Variants in CD2AP observed in about 807,000 individuals in gnomAD.
The protein encoded by CD2AP is CD2 associated protein.
CD2AP carries 46 observed loss-of-function variants against 85.1 expected under a neutral mutation model. That is an observed-to-expected ratio of 0.54 (90% confidence interval 0.43 to 0.69). The LOEUF (loss-of-function observed/expected upper bound fraction) is 0.69. Among genes scored for constraint, CD2AP ranks in the 30% least tolerant of loss-of-function variants. The probability of loss-of-function intolerance (pLI) is 0.00; values close to 1 mark genes in which losing one functional copy is unlikely to be tolerated. For synonymous variants in CD2AP, 255 were observed against 252.9 expected, an observed-to-expected ratio of 1.01 and a Z score of -0.08; for missense variants, 769 against 729.5, an observed-to-expected ratio of 1.05 and a Z score of -0.62.
chr6:47,575,549 A>G (rs978549386), intron 6 of CD2AP, among the ~76,000 whole-genome samples: 3 of 152,190 alleles, frequency 2.0e-5, no homozygotes, highest in Admixed American at 6.5e-5. Context: ...GTGCACCACA[A>G]TATGGTGTTT....
intron 2 of CD2AP, among the ~76,000 whole-genome samples, chr6:47,520,219 C>T (rs755909514): frequency 5.9e-5 from 9 of 151,786 alleles, no homozygotes; most frequent in Non-Finnish European, 1.3e-4. Flanking sequence ...TCTGGGGCCT[C>T]GTTATTAAAA....
chr6:47,512,164 A>AT (rs1462955661), intron 2 of CD2AP, among the ~76,000 whole-genome samples: 2 of 151,694 alleles, frequency 1.3e-5, no homozygotes, highest in African/African-American at 4.8e-5. Context: ...TCTGAAAAAA[A>AT]AAATATATAT....
intron 5 of CD2AP, among the ~76,000 whole-genome samples, chr6:47,572,283 G>A (rs985466008): frequency 6.6e-6 from 1 of 152,220 alleles, no homozygotes; most frequent in African/African-American, 2.4e-5. Context: ...CACTGCGATG[G>A]TGTACAAGTG....
At chr6:47,608,345 C>A (rs1201670212) in intron 15 of CD2AP, among the ~76,000 whole-genome samples, 1 of 152,054 alleles carries the variant, frequency 6.6e-6, no homozygotes, top group Non-Finnish European at 1.5e-5. Context: ...TAGTACTTAC[C>A]TAGCTTGGTG....
chr6:47,493,993 A>G (rs1765794744), intron 1 of CD2AP, among the ~76,000 whole-genome samples: 1 of 151,868 alleles, frequency 6.6e-6, no homozygotes, highest in African/African-American at 2.4e-5. Context: ...CACCCTTAGC[A>G]TATTAATCAT....
chr6:47,566,594 A>G (rs1374745541), intron 5 of CD2AP, among the ~76,000 whole-genome samples: 1 of 151,846 alleles, frequency 6.6e-6, no homozygotes, highest in Non-Finnish European at 1.5e-5. Context: ...CTATCGACCC[A>G]TCCTCTCAAT....
At chr6:47,543,540 G>A (rs1413448498) in intron 3 of CD2AP, among the ~76,000 whole-genome samples, 2 of 152,170 alleles carry the variant, frequency 1.3e-5, no homozygotes, top group Non-Finnish European at 2.9e-5. Flanking sequence ...TACTGTCAGG[G>A]TTGGTTTCTG....
intron 2 of CD2AP, among the ~76,000 whole-genome samples, chr6:47,521,751 C>CA (rs1320760326): frequency 6.6e-6 from 1 of 152,152 alleles, no homozygotes; most frequent in Non-Finnish European, 1.5e-5. Flanking sequence ...AGATAACTCT[C>CA]ACGCCTGTAA....
intron 4 of CD2AP, among the ~76,000 whole-genome samples, chr6:47,552,871 C>T (rs1277635141): frequency 6.6e-6 from 1 of 152,138 alleles, no homozygotes; most frequent in Non-Finnish European, 1.5e-5. Flanking sequence ...TTCTAGCACC[C>T]ATTTTTATTT....
chr6:47,567,208 T>C (rs1181386274), intron 5 of CD2AP, among the ~76,000 whole-genome samples: 7 of 152,170 alleles, frequency 4.6e-5, no homozygotes, highest in Admixed American at 3.3e-4. Context: ...GGTATGCTTA[T>C]AGAACTATCT....
intron 11 of CD2AP, among the ~76,000 whole-genome samples, chr6:47,585,081 C>A (rs13193054): frequency 0.27 from 40,661 of 151,200 alleles, 5,653 homozygotes; most frequent in African/African-American, 0.33. Flanking sequence ...ATCATGAGGT[C>A]AGGACATTGA....
intron 1 of CD2AP, among the ~76,000 whole-genome samples, chr6:47,484,128 T>C (rs1181522660): frequency 6.6e-6 from 1 of 152,158 alleles, no homozygotes; most frequent in Non-Finnish European, 1.5e-5. Context: ...TCCTCCCAGC[T>C]TTTGTTTATT....
At chr6:47,507,612 ATTGT>A (rs1476680905) in intron 2 of CD2AP, among the ~76,000 whole-genome samples, 4 of 151,992 alleles carry the variant, frequency 2.6e-5, no homozygotes, top group African/African-American at 4.8e-5. Context: ...CGCCCAGCTA[ATTGT>A]TTGTATTTTC....
At chr6:47,509,581 G>A (rs1395536054) in intron 2 of CD2AP, among the ~76,000 whole-genome samples, 1 of 152,100 alleles carries the variant, frequency 6.6e-6, no homozygotes, top group Non-Finnish European at 1.5e-5. Context: ...GCTATAGTAG[G>A]GAATTGAATA....
chr6:47,598,031 A>G (rs1768996845), intron 12 of CD2AP, among the ~76,000 whole-genome samples: 1 of 150,808 alleles, frequency 6.6e-6, no homozygotes. Context: ...CCTTTTTAAA[A>G]CATCACCAAT....
intron 2 of CD2AP, among the ~76,000 whole-genome samples, chr6:47,530,921 A>G (rs1440356441): frequency 6.6e-6 from 1 of 152,168 alleles, no homozygotes; most frequent in African/African-American, 2.4e-5. Flanking sequence ...TTTACAAGGT[A>G]ATAGCTTTTT....
chr6:47,487,690 AAAACAAACAAACAAAC>A (rs140796042), intron 1 of CD2AP, among the ~76,000 whole-genome samples: 1 of 151,504 alleles, frequency 6.6e-6, no homozygotes, highest in African/African-American at 2.4e-5. Context: ...ACTCTGTCTC[AAAACAAACAAACAAAC>A]AAACAAACAA....
chr6:47,584,430 T>C (rs1768564824), intron 11 of CD2AP, among the ~76,000 whole-genome samples: 1 of 152,004 alleles, frequency 6.6e-6, no homozygotes, highest in South Asian at 2.1e-4. Flanking sequence ...TTTTTTTTTT[T>C]TTTTGGCATG....
chr6:47,499,734 TTTGTTGTTG>T (rs375338841), intron 1 of CD2AP, among the ~76,000 whole-genome samples: 1 of 151,696 alleles, frequency 6.6e-6, no homozygotes, highest in South Asian at 2.1e-4. Flanking sequence ...AGTTAAGAGT[TTTGTTGTTG>T]TTGTTGTTGT....
Sources: gnomAD v4.1 joint callset for allele counts (sites outside exome capture counted in the v4.1 genomes callset) on GRCh38, gnomAD v4.1.1 for gene constraint, MANE v1.5 for transcripts, NCBI Gene and HGNC (gene_info 2026-07-23, HGNC 2026-07-21) for gene names.